The following TRPM3 variants were observed in gnomAD, a reference collection of about 807,000 sequenced individuals.
TRPM3 encodes the protein long transient receptor potential channel 3.
A neutral mutation model predicts 181.2 loss-of-function variants in TRPM3; 77 were observed. That is an observed-to-expected ratio of 0.42 (90% confidence interval 0.35 to 0.51). The LOEUF (loss-of-function observed/expected upper bound fraction) is 0.51, where lower values mean the gene tolerates loss of function less well. Among genes scored for constraint, TRPM3 ranks in the 20% least tolerant of loss-of-function variants. TRPM3 has a pLI of 0.01. For synonymous variants in TRPM3, 745 were observed against 796.4 expected (o/e 0.94, Z 1.09); for missense variants, 1,759 against 2,196.7 (o/e 0.80, Z 3.98).
intron 1 of TRPM3, among the ~76,000 whole-genome samples, chr9:71,224,600 C>T (rs2080462660): frequency 6.6e-6 from 1 of 151,926 alleles, no homozygotes; most frequent in Non-Finnish European, 1.5e-5. Context: ...AATATGAGAC[C>T]TTTCAGAGAA....
rs906098949 is a variant in TRPM3, at chr9:70,534,414, G to A, written c.*1539C>T. 3.9e-5 allele frequency: 6 copies of A among 152,034 alleles called. No homozygotes were observed. Among genetic ancestry groups the A allele is most frequent in the Non-Finnish European group, 8.8e-5 (6 of 67,992 alleles). The allele number at this position is 152,034 out of a possible 1,614,324, so 9.4% of individuals were successfully genotyped here. ...ATGAACTCTTTCAATGGAACTTCTT[G>A]TATATTAAAAAAAATCTTGATTATA... On this transcript the variant is annotated 3_prime_UTR_variant, in exon 26 of 26. Transcript: ENST00000677713.
intron 1 of TRPM3, among the ~76,000 whole-genome samples, chr9:71,149,886 C>A (rs1304092564): frequency 6.6e-6 from 1 of 151,976 alleles, no homozygotes; most frequent in African/African-American, 2.4e-5. Context: ...TGGCTTGTGC[C>A]TGGGAGGTCA....
chr9:70,854,958 T>C (rs1564598660), intron 3 of TRPM3, among the ~76,000 whole-genome samples: 1 of 152,188 alleles, frequency 6.6e-6, no homozygotes, highest in Non-Finnish European at 1.5e-5. Context: ...AGACATGACA[T>C]TCTGTGAGAC....
At chr9:71,277,847 A>T (rs1218146602) in intron 1 of TRPM3, among the ~76,000 whole-genome samples, 2 of 152,220 alleles carry the variant, frequency 1.3e-5, no homozygotes, top group African/African-American at 2.4e-5. Context: ...CGCACTCCAC[A>T]CATGGGTTTC....
chr9:71,191,038 T>C (rs12340517), intron 1 of TRPM3, among the ~76,000 whole-genome samples: 40,251 of 151,772 alleles, frequency 0.27, 5,979 homozygotes, highest in Middle Eastern at 0.46. Flanking sequence ...TTTTCCCATG[T>C]ATTCCTTACC....
chr9:71,045,989 CTT>C (rs141410620), intron 1 of TRPM3, among the ~76,000 whole-genome samples: 1 of 145,326 alleles, frequency 6.9e-6, no homozygotes, highest in Non-Finnish European at 1.5e-5. Context: ...ATTGCCTACA[CTT>C]TTTTTTTTTT....
At chr9:71,428,417 T>C (rs966932979) in intron 1 of TRPM3, among the ~76,000 whole-genome samples, 1 of 152,058 alleles carries the variant, frequency 6.6e-6, no homozygotes, top group Admixed American at 6.6e-5. Flanking sequence ...TTAAACAGCT[T>C]TCCAGGTGAT....
intron 1 of TRPM3, among the ~76,000 whole-genome samples, chr9:71,040,275 C>A (rs1038348405): frequency 6.6e-6 from 1 of 152,172 alleles, no homozygotes; most frequent in Non-Finnish European, 1.5e-5. Context: ...AAAGCACATA[C>A]TATTTCTCAA....
rs149263666 is a variant in TRPM3 at position 71,191,923 on chromosome 9, A to G, written c.183+254730T>C. ...CTTTGCCTTCCTGACCTGGAGAGTG[A>G]ATGGGGAGGTAACTATGTGCTTTAC... On this transcript the variant is annotated intron_variant, in intron 1 of 24. Transcript: ENST00000357533. 2.6e-4 allele frequency among the ~76,000 whole-genome samples: 40 copies of G among 151,846 alleles called. No homozygotes were observed. In the East Asian group the frequency reaches 7.4e-3, roughly 28 times the overall value.
At position 70,940,046 on chromosome 9, in the gene TRPM3, T is replaced by C. The variant is rs1293892152; in HGVS notation, c.178-75535A>G. On this transcript the variant is annotated intron_variant, in intron 1 of 25. Transcript: ENST00000677713. ...TGTTTGGGTGGCTTTAACCACCTTG[T>C]AGTGAGCTTAGGGTTCCTGCAGGTG... Among the ~76,000 whole-genome samples, 5 of 152,334 alleles carry C rather than the reference T, an allele frequency of 3.3e-5. No individual in the cohort carries two copies. In the East Asian group the frequency reaches 7.7e-4, roughly 23 times the overall value.
intron 9 of TRPM3, among the ~76,000 whole-genome samples, chr9:70,680,920 G>C (rs901802781): frequency 3.3e-5 from 5 of 152,124 alleles, no homozygotes; most frequent in Non-Finnish European, 7.4e-5. Context: ...TGGGACTAGA[G>C]AATAGGACAA....
chr9:70,588,861 A>G (rs2057618213), intron 22 of TRPM3, among the ~76,000 whole-genome samples: 1 of 152,240 alleles, frequency 6.6e-6, no homozygotes, highest in Admixed American at 6.5e-5. Context: ...ATGTTCAATG[A>G]CCTTGGCCAA....
chr9:70,919,884 C>A (rs1377018487), intron 1 of TRPM3, among the ~76,000 whole-genome samples: 31 of 152,104 alleles, frequency 2.0e-4, no homozygotes, highest in Non-Finnish European at 1.5e-5. Context: ...TATGCTCTTG[C>A]CTGATATTTA....
chr9:70,913,411 A>G (rs772252870), intron 1 of TRPM3, among the ~76,000 whole-genome samples: 1 of 152,192 alleles, frequency 6.6e-6, no homozygotes, highest in Non-Finnish European at 1.5e-5. Flanking sequence ...TTGTTCCCCT[A>G]GGTTTCATAC....
intron 22 of TRPM3, among the ~76,000 whole-genome samples, 193 bp from the exon 23 acceptor site, chr9:70,553,503 TG>T (rs1173218300): frequency 6.6e-6 from 1 of 152,106 alleles, no homozygotes; most frequent in Non-Finnish European, 1.5e-5. Flanking sequence ...ACTGTGGTGG[TG>T]GGGGGCCTCG....
chr9:71,365,872 TG>T (rs1256337222), intron 1 of TRPM3, among the ~76,000 whole-genome samples: 1 of 152,270 alleles, frequency 6.6e-6, no homozygotes, highest in East Asian at 1.9e-4. Flanking sequence ...GCCATTTAGT[TG>T]CTGTACCAGA....
chr9:71,395,200 A>G (rs1565530060), intron 1 of TRPM3, among the ~76,000 whole-genome samples: 1 of 152,128 alleles, frequency 6.6e-6, no homozygotes, highest in Non-Finnish European at 1.5e-5. Context: ...TATCTTCTCA[A>G]TGAAATTTCC....
At chr9:71,211,309 C>G (rs906713334) in intron 1 of TRPM3, among the ~76,000 whole-genome samples, 1 of 151,918 alleles carries the variant, frequency 6.6e-6, no homozygotes, top group Admixed American at 6.6e-5. Context: ...AAGATAAAAC[C>G]CTTTGAAATT....
At chr9:70,802,630 G>T (rs1393499637) in intron 6 of TRPM3, among the ~76,000 whole-genome samples, 1 of 152,102 alleles carries the variant, frequency 6.6e-6, no homozygotes, top group Non-Finnish European at 1.5e-5. Flanking sequence ...TGCCTATTTT[G>T]GTTGTACAGG....
Sources: allele counts gnomAD v4.1 joint callset (sites outside exome capture counted in the v4.1 genomes callset), GRCh38; gene constraint gnomAD v4.1.1; transcripts MANE v1.5; gene names NCBI Gene and HGNC (gene_info 2026-07-23, HGNC 2026-07-21).